Variants in LHCGR observed in about 807,000 individuals in gnomAD.
LHCGR encodes the protein luteinizing hormone/choriogonadotropin receptor.
A neutral mutation model predicts 60.7 loss-of-function variants in LHCGR; 55 were observed. That is an observed-to-expected ratio of 0.91 (90% CI 0.73 to 1.13). The LOEUF is 1.13. LHCGR is among the 50% of genes most tolerant of loss of function. The pLI, the probability that LHCGR is intolerant of heterozygous loss-of-function variation, is 0.00. For synonymous variants in LHCGR, 337 were observed against 316.5 expected (o/e 1.06, Z -0.69); for missense variants, 862 against 836.0 (o/e 1.03, Z -0.38).
chr2:48,748,894 C>T (rs1177310761), intron 1 of LHCGR, among the ~76,000 whole-genome samples: 2 of 152,180 alleles, frequency 1.3e-5, no homozygotes, highest in Admixed American at 1.3e-4. Context: ...GAACCCAGTT[C>T]TGCCCAGTCT....
At chr2:48,730,696 A>G (rs1423609583) in intron 2 of LHCGR, among the ~76,000 whole-genome samples, 1 of 152,202 alleles carries the variant, frequency 6.6e-6, no homozygotes, top group Non-Finnish European at 1.5e-5. Flanking sequence ...CCAGAAACAA[A>G]TGATCGAAGT....
chr2:48,715,817 A>G (rs1364583201), intron 6 of LHCGR, among the ~76,000 whole-genome samples: 1 of 152,218 alleles, frequency 6.6e-6, no homozygotes, highest in Non-Finnish European at 1.5e-5. Flanking sequence ...ATATAACTAG[A>G]GATTACAAAA....
intron 1 of LHCGR, among the ~76,000 whole-genome samples, chr2:48,745,094 A>G (rs1558896644): frequency 6.6e-6 from 1 of 152,360 alleles, no homozygotes; most frequent in Middle Eastern, 3.4e-3. Context: ...CACATGAAAA[A>G]GTGCTCACCA....
intron 4 of LHCGR, among the ~76,000 whole-genome samples, chr2:48,724,962 A>G (rs1399461154): frequency 1.3e-5 from 2 of 152,146 alleles, no homozygotes; most frequent in Non-Finnish European, 2.9e-5. Context: ...AGTTTATGAA[A>G]TTTAAAGAAA....
At chr2:48,731,144 A>T (rs1668966702) in intron 2 of LHCGR, 83 bp downstream of exon 2, 3 of 895,316 alleles carry the variant, frequency 3.4e-6, no homozygotes, top group African/African-American at 1.6e-5. Flanking sequence ...TAGAAAAATT[A>T]TCCCCTTTCA....
chr2:48,717,387 G>T (rs1319578472), intron 6 of LHCGR, among the ~76,000 whole-genome samples: 3 of 152,102 alleles, frequency 2.0e-5, no homozygotes, highest in Non-Finnish European at 4.4e-5. Flanking sequence ...ATTACTTTGG[G>T]CAAGTTACTT....
chr2:48,727,315 C>G (rs1409251302), intron 3 of LHCGR, among the ~76,000 whole-genome samples: 1 of 151,968 alleles, frequency 6.6e-6, no homozygotes, highest in Non-Finnish European at 1.5e-5. Flanking sequence ...TGACCTTAGC[C>G]CAGTCATTCA....
chr2:48,698,651 C>G lies in LHCGR; in HGVS notation c.830G>C (p.Ser277Thr), dbSNP rs202097347. Residue 277 changes from serine to threonine, a missense_variant, in exon 9 of 11, where the codon AGC becomes ACC. Ser to Thr is a moderately conservative substitution (Grantham distance 58, BLOSUM62 1). Transcript: ENST00000294954. The stretch of plus-strand genomic sequence containing the variant: ...CAAGTTTCTAAAAGCACAGCAGTGG[C>G]TGGGGTAAGTCAACGTGGCCTCCAG... ...NLLEATLTYP[S>T]HCCAFRNLPT... The G allele has an allele frequency of 6.2e-7, 1 of 1,614,090 alleles. No homozygotes were observed. Among genetic ancestry groups the G allele is most frequent in the African/African-American group, 1.3e-5 (1 of 75,012 alleles).
Position 48,714,017 on chromosome 2 carries a change from G to C in LHCGR, c.574C>G (p.His192Asp). The C allele has an allele frequency of 6.2e-7, 1 of 1,613,024 alleles. No homozygotes were observed. The highest frequency in any genetic ancestry group is 1.1e-5 in the South Asian group (1 of 91,030). ...GTCAGTGTCGTCCCATTGAATGCAT[G>C]ACTTTGTACTTCTTCAAATCCATTT... Reference protein sequence around the residue: ...YGNGFEEVQSHAFNGTTLTSL... With the variant: ...YGNGFEEVQSDAFNGTTLTSL... The change falls in exon 7 of 11, where the codon CAT becomes GAT. Residue 192 changes from histidine to aspartate, a missense_variant. His to Asp is a moderately conservative substitution (Grantham distance 81). Coordinates refer to ENST00000294954, the MANE Select transcript of LHCGR (RefSeq NM_000233.4).
intron 8 of LHCGR, among the ~76,000 whole-genome samples, chr2:48,703,204 T>G (rs879777329): frequency 6.6e-6 from 1 of 152,212 alleles, no homozygotes; most frequent in African/African-American, 2.4e-5. Context: ...TTACAAAAAT[T>G]TTCTCCCATT....
intron 1 of LHCGR, among the ~76,000 whole-genome samples, chr2:48,748,630 T>C (rs1445798485): frequency 1.3e-5 from 2 of 152,228 alleles, no homozygotes; most frequent in African/African-American, 4.8e-5. Context: ...ATGATAGATA[T>C]TTACTGTTCA....
intron 8 of LHCGR, among the ~76,000 whole-genome samples, chr2:48,708,217 C>T (rs986974131): frequency 2.6e-5 from 4 of 152,138 alleles, no homozygotes; most frequent in African/African-American, 9.7e-5. Flanking sequence ...GGCCCTAATC[C>T]TTGCACCCTC....
intron 10 of LHCGR, among the ~76,000 whole-genome samples, chr2:48,690,013 C>A (rs1324074310): frequency 2.0e-5 from 3 of 152,082 alleles, no homozygotes; most frequent in Non-Finnish European, 4.4e-5. Flanking sequence ...ACGCCCGGCC[C>A]AGGTTTTTGT....
At chr2:48,721,858 T>C (rs1668511417) in intron 6 of LHCGR, 2 of 459,824 alleles carry the variant, frequency 4.3e-6, no homozygotes, top group Non-Finnish European at 9.0e-6. Flanking sequence ...GCTTTAGGTA[T>C]AAAGAAATGA....
intron 1 of LHCGR, among the ~76,000 whole-genome samples, chr2:48,739,423 CA>C (rs1157434618): frequency 6.6e-6 from 1 of 152,104 alleles, no homozygotes; most frequent in African/African-American, 2.4e-5. Context: ...AAATGTCCAA[CA>C]ATGATAGACT....
intron 3 of LHCGR, 72 bp from the exon 4 acceptor site, chr2:48,725,822 G>A: frequency 2.4e-6 from 3 of 1,240,698 alleles, no homozygotes; most frequent in Non-Finnish European, 3.5e-6. Flanking sequence ...TGAGATCATG[G>A]TCACCAGAAG....
chr2:48,715,101 C>G (rs1287145042), intron 6 of LHCGR, among the ~76,000 whole-genome samples: 1 of 152,086 alleles, frequency 6.6e-6, no homozygotes, highest in East Asian at 1.9e-4. Flanking sequence ...ACTGGCTGCC[C>G]TATTTAAAAC....
chr2:48,721,580 C>T, intron 6 of LHCGR: 1 of 386,378 alleles, frequency 2.6e-6, no homozygotes, highest in Non-Finnish European at 5.2e-6. Context: ...TACATCTACA[C>T]AAAGTAAAAG....
At chr2:48,696,484 T>C (rs1443774037) in intron 9 of LHCGR, among the ~76,000 whole-genome samples, 2 of 152,184 alleles carry the variant, frequency 1.3e-5, no homozygotes, top group Non-Finnish European at 2.9e-5. Context: ...TAGCAATTTG[T>C]AAAACATCAG....
Sources: allele counts gnomAD v4.1 joint callset (sites outside exome capture counted in the v4.1 genomes callset), GRCh38; gene constraint gnomAD v4.1.1; transcripts MANE v1.5; gene names NCBI Gene and HGNC (gene_info 2026-07-23, HGNC 2026-07-21).